MAPK4: variants seen among roughly 807,000 people sequenced by gnomAD.
The protein encoded by MAPK4 is Erk3-related.
In MAPK4, 22 loss-of-function variants were observed where a neutral mutation model predicts 47.7. The observed-to-expected ratio is 0.46, with a 90% CI of 0.33 to 0.66. MAPK4 has a LOEUF of 0.66. Ranked by LOEUF, MAPK4 falls within the 30% of genes least tolerant of loss-of-function variation. The pLI, the probability that MAPK4 is intolerant of heterozygous loss-of-function variation, is 0.02. For synonymous variants in MAPK4, 390 were observed against 365.7 expected (o/e 1.07, Z -0.76); for missense variants, 736 against 831.7 (o/e 0.88, Z 1.42).
intron 2 of MAPK4, among the ~76,000 whole-genome samples, chr18:50,667,774 C>T (rs1370597684): frequency 1.3e-5 from 2 of 152,202 alleles, no homozygotes; most frequent in East Asian, 3.8e-4. Context: ...ACCCAGAAGA[C>T]TTCTGTGACC....
chr18:50,719,724 T>G (rs1420216041), intron 3 of MAPK4, among the ~76,000 whole-genome samples: 2 of 152,186 alleles, frequency 1.3e-5, no homozygotes, highest in Non-Finnish European at 2.9e-5. Flanking sequence ...AGAGCTGGGC[T>G]TCTCCATACC....
chr18:50,570,875 T>G (rs191145500), intron 1 of MAPK4, among the ~76,000 whole-genome samples: 2 of 152,192 alleles, frequency 1.3e-5, no homozygotes, highest in Non-Finnish European at 2.9e-5. Flanking sequence ...GCCTGAGTGG[T>G]GGGAACTTCT....
At chr18:50,623,381 C>T (rs1414704415) in intron 1 of MAPK4, among the ~76,000 whole-genome samples, 2 of 152,172 alleles carry the variant, frequency 1.3e-5, no homozygotes, top group Admixed American at 6.5e-5. Context: ...AGACTCATCC[C>T]AAATCAGCTT....
intron 1 of MAPK4, among the ~76,000 whole-genome samples, chr18:50,660,774 G>A (rs1598880262): frequency 6.6e-6 from 1 of 152,082 alleles, no homozygotes; most frequent in Admixed American, 6.6e-5. Context: ...TCAGGAACTG[G>A]GAAGATACAA....
intron 2 of MAPK4, among the ~76,000 whole-genome samples, chr18:50,707,131 C>G (rs921689778): frequency 7.9e-5 from 12 of 152,160 alleles, no homozygotes; most frequent in Non-Finnish European, 2.9e-5. Context: ...AGGACAAAGC[C>G]TGTATGATTC....
intron 2 of MAPK4, among the ~76,000 whole-genome samples, chr18:50,688,873 CA>C (rs1386511091): frequency 9.4e-6 from 1 of 106,608 alleles, no homozygotes; most frequent in Admixed American, 1.1e-4. Context: ...CCTGTTCTCC[CA>C]AAAACCTATG....
chr18:50,625,107 G>T (rs997771770), intron 1 of MAPK4, among the ~76,000 whole-genome samples: 2 of 152,186 alleles, frequency 1.3e-5, no homozygotes, highest in Non-Finnish European at 2.9e-5. Context: ...GGACACTGGT[G>T]GGGAGAAGCT....
At chr18:50,583,274 G>A (rs144706706) in intron 1 of MAPK4, among the ~76,000 whole-genome samples, 1 of 152,174 alleles carries the variant, frequency 6.6e-6, no homozygotes, top group African/African-American at 2.4e-5. Flanking sequence ...CCATTCGATT[G>A]GTTAAAAGGC....
chr18:50,618,840 C>T (rs540062900), intron 1 of MAPK4, among the ~76,000 whole-genome samples: 2 of 152,098 alleles, frequency 1.3e-5, no homozygotes, highest in African/African-American at 2.4e-5. Flanking sequence ...GTAAGAGCAT[C>T]CCAAATCTAA....
At position 50,626,421 on chromosome 18, in the gene MAPK4, G is replaced by A. The variant is rs140219258; in HGVS notation, c.-870-36668G>A. Among the ~76,000 whole-genome samples, 78 of 152,208 alleles carry A rather than the reference G, an allele frequency of 5.1e-4. 2 individuals carry two copies. The East Asian group carries it at 0.011, about 21-fold the overall frequency. Reference sequence around the variant, plus strand: ...TTGGGGATGGCTTGGGCATCATGGCGTCTGCGGTCCTTGCACACTGAGCCT... The same window carrying A: ...TTGGGGATGGCTTGGGCATCATGGCATCTGCGGTCCTTGCACACTGAGCCT... On this transcript the variant is annotated intron_variant, in intron 1 of 5. Coordinates refer to ENST00000400384, the MANE Select transcript of MAPK4 (RefSeq NM_002747.4).
chr18:50,651,309 G>A (rs1213400031), intron 1 of MAPK4, among the ~76,000 whole-genome samples: 1 of 152,142 alleles, frequency 6.6e-6, no homozygotes, highest in Non-Finnish European at 1.5e-5. Flanking sequence ...CCTCCAGGGA[G>A]CTCTTCACCT....
At chr18:50,713,279 G>A (rs1035574424) in intron 2 of MAPK4, among the ~76,000 whole-genome samples, 1 of 152,158 alleles carries the variant, frequency 6.6e-6, no homozygotes, top group African/African-American at 2.4e-5. Flanking sequence ...GACTTTTAAA[G>A]CAATTAAACT....
At chr18:50,671,711 AC>A (rs917073795) in intron 2 of MAPK4, among the ~76,000 whole-genome samples, 1 of 151,792 alleles carries the variant, frequency 6.6e-6, no homozygotes, top group African/African-American at 2.4e-5. Flanking sequence ...CAACAGCGAG[AC>A]CCCCATGTCT....
intron 1 of MAPK4, among the ~76,000 whole-genome samples, chr18:50,586,322 A>T (rs1321571718): frequency 6.6e-6 from 1 of 152,120 alleles, no homozygotes. Flanking sequence ...TGAACAAAGT[A>T]TTCTGAAAGA....
At chr18:50,614,412 A>C (rs1262640035) in intron 1 of MAPK4, among the ~76,000 whole-genome samples, 2 of 152,160 alleles carry the variant, frequency 1.3e-5, no homozygotes, top group African/African-American at 4.8e-5. Flanking sequence ...AAAATTTAAG[A>C]TCAAAACACA....
At chr18:50,728,589 C>T (rs1395455733) in intron 5 of MAPK4, among the ~76,000 whole-genome samples, 1 of 152,144 alleles carries the variant, frequency 6.6e-6, no homozygotes, top group Non-Finnish European at 1.5e-5. Flanking sequence ...GGCAGACATG[C>T]TATTTTATTT....
At chr18:50,699,454 T>C (rs558376463) in intron 2 of MAPK4, among the ~76,000 whole-genome samples, 2 of 152,312 alleles carry the variant, frequency 1.3e-5, no homozygotes, top group South Asian at 4.1e-4. Context: ...TCAACCAAAT[T>C]AGTGACTTAA....
chr18:50,680,106 T>G (rs1598903451), intron 2 of MAPK4, among the ~76,000 whole-genome samples: 3 of 73,106 alleles, frequency 4.1e-5, no homozygotes, highest in Non-Finnish European at 6.3e-5. Context: ...TTTTTTTTTT[T>G]TTGAGACAGA....
At chr18:50,626,660 C>T (rs2042781269) in intron 1 of MAPK4, among the ~76,000 whole-genome samples, 1 of 152,170 alleles carries the variant, frequency 6.6e-6, no homozygotes, top group African/African-American at 2.4e-5. Context: ...CCGTCTCCTC[C>T]CTCAGGTTAA....
Sources: allele counts gnomAD v4.1 joint callset (sites outside exome capture counted in the v4.1 genomes callset), GRCh38; gene constraint gnomAD v4.1.1; transcripts MANE v1.5; gene names NCBI Gene and HGNC (gene_info 2026-07-23, HGNC 2026-07-21).